Variants in UBR1 observed in about 807,000 individuals in gnomAD.
UBR1 encodes the protein ubiquitin protein ligase E3 component n-recognin 1, also known as E3 ubiquitin-protein ligase UBR1.
UBR1 carries 102 observed loss-of-function variants against 242.1 expected under a neutral mutation model. That is an observed-to-expected ratio of 0.42 (90% CI 0.36 to 0.50). UBR1 has a LOEUF of 0.50. UBR1 is among the 20% of genes least tolerant of loss of function. UBR1 has a pLI of 0.01. For missense variants in UBR1, 1,772 were observed against 2,101.8 expected (o/e 0.84, Z 3.07); for synonymous variants, 675 against 684.8 (o/e 0.99, Z 0.22).
chr15:42,957,910 C>CA lies in UBR1; in HGVS notation c.4835+102dup, dbSNP rs1190222785. ...ACAAAAAAACCCAAACCAAAACAAA[C>CA]AAAAAAACAAAAACAAGGAAGTGTG... is the stretch of plus-strand genomic sequence containing the variant. On this transcript the variant is annotated intron_variant, in intron 44 of 46. Coordinates refer to ENST00000290650, the MANE Select transcript of UBR1 (RefSeq NM_174916.3). 8 of 1,069,474 alleles carry CA rather than the reference C, an allele frequency of 7.5e-6. No individual in the cohort carries two copies. The Middle Eastern group carries it at 6.3e-4, about 85-fold the overall frequency. 66.2% of individuals were successfully genotyped at this position (1,069,474 alleles called of 1,614,324 possible).
At chr15:42,989,878 G>C in intron 34 of UBR1, 152 bp downstream of exon 34, 4 of 658,638 alleles carry the variant, frequency 6.1e-6, no homozygotes, top group South Asian at 5.7e-5. Context: ...ACTTCATTTT[G>C]TTAATACAAA....
intron 6 of UBR1, among the ~76,000 whole-genome samples, chr15:43,061,034 A>G (rs537282162): frequency 1.3e-5 from 2 of 152,310 alleles, no homozygotes; most frequent in East Asian, 3.9e-4. Context: ...GAGCTCAATC[A>G]GCTTGTATGT....
intron 1 of UBR1, among the ~76,000 whole-genome samples, chr15:43,091,327 A>C (rs1455135712): frequency 6.6e-6 from 1 of 152,220 alleles, no homozygotes. Context: ...AGAAACCAAG[A>C]CACTCAAAGG....
intron 19 of UBR1, among the ~76,000 whole-genome samples, chr15:43,033,231 G>A (rs962274809): frequency 1.3e-5 from 2 of 152,036 alleles, no homozygotes; most frequent in Admixed American, 1.3e-4. Flanking sequence ...TTTTATATGA[G>A]GCCAGGTATG....
At chr15:43,058,557 A>G in intron 9 of UBR1, 128 bp from the exon 10 acceptor site, 2 of 630,842 alleles carry the variant, frequency 3.2e-6, no homozygotes. Flanking sequence ...CTCAAATAGT[A>G]TTTATTGTAT....
In UBR1 at chr15:42,966,281, A is replaced by T. The variant is rs747020243; in HGVS notation, c.4463T>A (p.Ile1488Asn). 1 of 1,614,172 alleles carries T rather than the reference A, an allele frequency of 6.2e-7. No homozygotes were observed. The highest frequency in any genetic ancestry group is 1.1e-5 in the South Asian group (1 of 91,078). Residue 1488 changes from isoleucine (I) to asparagine (N), a missense_variant, in exon 41 of 47, where the codon ATT becomes AAT. Ile to Asn is a moderately radical substitution (Grantham distance 149, BLOSUM62 -3). This residue lies in a region of UBR1 where 965 missense variants were observed against 1,079.7 expected (regional missense o/e 0.89). Transcript: ENST00000290650. The stretch of plus-strand genomic sequence containing the variant: ...ATACCAGCCAGGAATATCACACCCA[A>T]TGGAGCTAGGAGACAATAATTCCAG... The part of the protein sequence containing the change: ...AEISQYTSGS[I>N]GCDIPGWYLW...
intron 45 of UBR1, chr15:42,950,610 G>A (rs2031818788): frequency 2.2e-5 from 11 of 491,350 alleles, no homozygotes; most frequent in Middle Eastern, 5.8e-4. Context: ...TTATACTGAC[G>A]GAATCTGTTG....
At position 42,943,819 on chromosome 15, in the gene UBR1, A is replaced by G. The variant is rs1276833790; in HGVS notation, c.*1510T>C. ...TATTGTTACAAATTGTTCACTAGAC[A>G]TGTATCTATTTATCCAGATACCTTC... On this transcript the variant is annotated 3_prime_UTR_variant, in exon 47 of 47. Coordinates refer to ENST00000290650, the MANE Select transcript of UBR1 (RefSeq NM_174916.3). The G allele has an allele frequency of 6.6e-6, 1 of 152,348 alleles. No individual in the cohort carries two copies. Among genetic ancestry groups the G allele is most frequent in the African/African-American group, 2.4e-5 (1 of 41,458 alleles). 9.4% of individuals were successfully genotyped at this position (152,348 alleles called of 1,614,324 possible). A position where few individuals can be genotyped will look rare whatever the true frequency, so the allele number is the denominator to read the frequency against.
chr15:43,088,452 A>G (rs2034064623), intron 1 of UBR1, among the ~76,000 whole-genome samples: 1 of 152,184 alleles, frequency 6.6e-6, no homozygotes, highest in African/African-American at 2.4e-5. Context: ...AAAAAGTAAA[A>G]AATTATATAT....
In UBR1 at chr15:42,947,513, A is replaced by AT. The variant is rs2031758050; in HGVS notation, c.5109-2044dup. Among the ~76,000 whole-genome samples, 3 of 152,108 alleles carry AT rather than the reference A, an allele frequency of 2.0e-5. No homozygotes were observed. In the South Asian group the frequency reaches 6.2e-4, roughly 32 times the overall value. On this transcript the variant is annotated intron_variant, in intron 46 of 46. Transcript: ENST00000290650. ...CAAATTGTCCCTGTTTGCAGATGAC[A>AT]TGATTGTATATCTAGAAAACCCCAT...
chr15:43,030,724 T>C (rs538663115), intron 20 of UBR1, among the ~76,000 whole-genome samples: 1 of 152,320 alleles, frequency 6.6e-6, no homozygotes, highest in African/African-American at 2.4e-5. Flanking sequence ...TAATTCCGAT[T>C]GCCTTAAGAA....
intron 3 of UBR1, among the ~76,000 whole-genome samples, chr15:43,076,055 G>C (rs895102968): frequency 2.0e-5 from 3 of 151,872 alleles, no homozygotes; most frequent in African/African-American, 7.3e-5. Flanking sequence ...CTGCCATCTC[G>C]GCTCACTGCA....
rs977490060 is a variant in UBR1, at chr15:42,944,196, C to G, written c.*1133G>C. On this transcript the variant is annotated 3_prime_UTR_variant, in exon 47 of 47. Transcript: ENST00000290650. Reference sequence around the variant, plus strand: ...TGTTTTATATCACAATCTCTTGATACAAAAAACAAAAGCCAGGAACCAAGA... The same window carrying G: ...TGTTTTATATCACAATCTCTTGATAGAAAAAACAAAAGCCAGGAACCAAGA... 6.6e-6 allele frequency: 1 copy of G among 152,384 alleles called. No homozygotes were observed. Among genetic ancestry groups the G allele is most frequent in the African/African-American group, 2.4e-5 (1 of 41,384 alleles). 9.4% of individuals were successfully genotyped at this position (152,384 alleles called of 1,614,324 possible).
At chr15:43,054,036 G>A (rs1334167481) in intron 12 of UBR1, among the ~76,000 whole-genome samples, 2 of 152,088 alleles carry the variant, frequency 1.3e-5, no homozygotes, top group Non-Finnish European at 2.9e-5. Flanking sequence ...AGGATCAACT[G>A]TATAGCAAAA....
intron 19 of UBR1, among the ~76,000 whole-genome samples, chr15:43,034,958 A>G (rs540055108): frequency 3.9e-5 from 6 of 152,214 alleles, no homozygotes; most frequent in African/African-American, 1.4e-4. Flanking sequence ...CACTTCTAAA[A>G]ATGTGTCTTA....
chr15:43,053,444 A>G (rs919086330), intron 12 of UBR1, among the ~76,000 whole-genome samples: 1 of 152,192 alleles, frequency 6.6e-6, no homozygotes, highest in African/African-American at 2.4e-5. Context: ...AAGTACTGCC[A>G]TTAGGAGTTT....
intron 6 of UBR1, among the ~76,000 whole-genome samples, chr15:43,063,564 G>A (rs1470805673): frequency 6.6e-6 from 1 of 152,160 alleles, no homozygotes; most frequent in Non-Finnish European, 1.5e-5. Flanking sequence ...AGCACTTTGG[G>A]AGGCCAAGGT....
Position 43,037,668 on chromosome 15 carries a change from T to A in UBR1, c.2022+105A>T. 5.4e-6 allele frequency: 5 copies of A among 918,742 alleles called. No homozygotes were observed. In the South Asian group the frequency reaches 7.1e-5, roughly 13 times the overall value. 56.9% of individuals were successfully genotyped at this position (918,742 alleles called of 1,614,324 possible). A position where few individuals can be genotyped will look rare whatever the true frequency, so the allele number is the denominator to read the frequency against. ...TCTAGGAGTTTATACAAGAGAATAGTAACATACACTCAGTAAAATCTAGGA... is the reference window on the plus strand; with the variant it reads ...TCTAGGAGTTTATACAAGAGAATAGAAACATACACTCAGTAAAATCTAGGA... On this transcript the variant is annotated intron_variant, in intron 17 of 46. Coordinates refer to ENST00000290650, the MANE Select transcript of UBR1 (RefSeq NM_174916.3).
chr15:43,048,602 T>G (rs1350579832), intron 12 of UBR1, 111 bp from the exon 13 acceptor site: 2 of 828,568 alleles, frequency 2.4e-6, no homozygotes, highest in Non-Finnish European at 3.8e-6. Flanking sequence ...TTCTAATTTC[T>G]CACAATAATT....
Sources: gnomAD v4.1 joint callset for allele counts (sites outside exome capture counted in the v4.1 genomes callset) on GRCh38, gnomAD v4.1.1 for gene constraint, gnomAD v4.1.1 regional missense constraint, MANE v1.5 for transcripts, NCBI Gene and HGNC (gene_info 2026-07-23, HGNC 2026-07-21) for gene names.